Variants in PDIA5 observed in about 807,000 individuals in gnomAD.
PDIA5 encodes the protein protein disulfide isomerase family A member 5.
In PDIA5, 58 loss-of-function variants were observed where a neutral mutation model predicts 77.6. That is an observed-to-expected ratio of 0.75 (90% CI 0.61 to 0.93). The LOEUF (loss-of-function observed/expected upper bound fraction) is 0.93, where lower values mean the gene tolerates loss of function less well. Among genes scored for constraint, PDIA5 ranks in the 40% least tolerant of loss-of-function variants. The pLI, the probability that PDIA5 is intolerant of heterozygous loss-of-function variation, is 0.00. For missense variants in PDIA5, 630 were observed against 647.7 expected, an observed-to-expected ratio of 0.97 and a Z score of 0.30; for synonymous variants, 250 against 252.1, an observed-to-expected ratio of 0.99 and a Z score of 0.08.
chr3:123,078,901 G>T (rs1560495648), intron 1 of PDIA5, among the ~76,000 whole-genome samples: 2 of 152,176 alleles, frequency 1.3e-5, no homozygotes, highest in African/African-American at 4.8e-5. Flanking sequence ...GTTACTGTTG[G>T]TCCCTTAGTT....
At position 123,145,518 on chromosome 3, in the gene PDIA5, A is replaced by C; in HGVS notation, c.911-4A>C. On this transcript the variant is annotated splice_polypyrimidine_tract_variant and splice_region_variant and intron_variant, in intron 11 of 16. Transcript: ENST00000316218. Reference sequence around the variant, plus strand: ...GAATGGTTTCTCTTGATCTCTCCCCACAGGGTGTGGCCACTGTAAGAAAAT... The same window carrying C: ...GAATGGTTTCTCTTGATCTCTCCCCCCAGGGTGTGGCCACTGTAAGAAAAT... The C allele has an allele frequency of 6.2e-7, 1 of 1,613,340 alleles. No homozygotes were observed. The highest frequency in any genetic ancestry group is 8.5e-7 in the Non-Finnish European group (1 of 1,179,284).
chr3:123,112,502 C>T lies in PDIA5; in HGVS notation c.541+1498C>T, dbSNP rs151022923. 3.6e-3 allele frequency among the ~76,000 whole-genome samples: 527 copies of T among 145,662 alleles called. 1 individual carries two copies. The highest frequency in any genetic ancestry group is 0.012 in the African/African-American group (492 of 39,526). On this transcript the variant is annotated intron_variant, in intron 7 of 16. Transcript: ENST00000316218. ...GCCTGACTTGAGCCAGTAGCTTATT[C>T]GCCATGACAGCAGCCTTTCCCCAGC...
chr3:123,143,798 G>A (rs1935695820), intron 11 of PDIA5, among the ~76,000 whole-genome samples: 1 of 152,194 alleles, frequency 6.6e-6, no homozygotes, highest in African/African-American at 2.4e-5. Flanking sequence ...CCTGGGAAGA[G>A]CTGACATGTT....
At chr3:123,109,219 T>A (rs1174155610) in intron 6 of PDIA5, among the ~76,000 whole-genome samples, 1 of 152,250 alleles carries the variant, frequency 6.6e-6, no homozygotes, top group Non-Finnish European at 1.5e-5. Flanking sequence ...AATGTCCACA[T>A]AAATAATGAA....
intron 11 of PDIA5, among the ~76,000 whole-genome samples, chr3:123,132,107 G>T (rs1935383150): frequency 6.6e-6 from 1 of 152,160 alleles, no homozygotes; most frequent in Non-Finnish European, 1.5e-5. Context: ...TACCCAGCGT[G>T]CCACAAAGTG....
chr3:123,107,660 T>A (rs576259484), intron 6 of PDIA5, among the ~76,000 whole-genome samples: 5 of 152,336 alleles, frequency 3.3e-5, no homozygotes, highest in Admixed American at 2.6e-4. Context: ...GGGCAAGAAC[T>A]TCTCTGTGAT....
At chr3:123,116,810 G>A (rs1935007572) in intron 8 of PDIA5, among the ~76,000 whole-genome samples, 1 of 152,158 alleles carries the variant, frequency 6.6e-6, no homozygotes, top group Non-Finnish European at 1.5e-5. Context: ...GGAGGAGGTG[G>A]GGCTGGATGG....
At chr3:123,073,376 A>G (rs868674150) in intron 1 of PDIA5, among the ~76,000 whole-genome samples, 2 of 152,144 alleles carry the variant, frequency 1.3e-5, no homozygotes, top group South Asian at 2.1e-4. Flanking sequence ...TTGAATGTGT[A>G]AGCAGCTGCG....
At chr3:123,154,663 C>G (rs1935979706) in intron 14 of PDIA5, among the ~76,000 whole-genome samples, 1 of 152,180 alleles carries the variant, frequency 6.6e-6, no homozygotes, top group South Asian at 2.1e-4. Context: ...CCTCTGCCCC[C>G]AAGATCAGGC....
At chr3:123,158,508 TG>T (rs1248075480) in intron 15 of PDIA5, among the ~76,000 whole-genome samples, 5 of 152,176 alleles carry the variant, frequency 3.3e-5, no homozygotes, top group Non-Finnish European at 7.3e-5. Flanking sequence ...AGGTGTTTTA[TG>T]GGCAGATGAC....
intron 1 of PDIA5, among the ~76,000 whole-genome samples, chr3:123,073,510 C>T (rs901529762): frequency 1.3e-5 from 2 of 152,218 alleles, no homozygotes; most frequent in African/African-American, 4.8e-5. Flanking sequence ...CAAGGAGCTC[C>T]AGTTCACTGT....
intron 2 of PDIA5, among the ~76,000 whole-genome samples, chr3:123,091,771 G>T (rs935771717): frequency 6.6e-6 from 1 of 152,196 alleles, no homozygotes; most frequent in African/African-American, 2.4e-5. Context: ...TGTGGCTTAG[G>T]TGTCTTTGGC....
intron 5 of PDIA5, among the ~76,000 whole-genome samples, chr3:123,104,803 G>A (rs1331739728): frequency 6.6e-6 from 1 of 152,206 alleles, no homozygotes; most frequent in African/African-American, 2.4e-5. Context: ...ATGAAGGCCA[G>A]ATGTGGTGTC....
At chr3:123,118,953 C>T (rs1935050645) in intron 8 of PDIA5, among the ~76,000 whole-genome samples, 1 of 152,178 alleles carries the variant, frequency 6.6e-6, no homozygotes, top group Admixed American at 6.6e-5. Context: ...CACTCGTGTT[C>T]AGAATATAAG....
At chr3:123,141,605 G>C (rs1444137680) in intron 11 of PDIA5, among the ~76,000 whole-genome samples, 1 of 152,240 alleles carries the variant, frequency 6.6e-6, no homozygotes, top group African/African-American at 2.4e-5. Flanking sequence ...CTGAAAGCAG[G>C]AGAGTGGGGG....
intron 1 of PDIA5, among the ~76,000 whole-genome samples, chr3:123,076,642 C>T (rs1313545703): frequency 6.6e-6 from 1 of 152,204 alleles, no homozygotes; most frequent in Admixed American, 6.5e-5. Context: ...GGGTCATGAA[C>T]ACTGAGTTGT....
At chr3:123,082,123 G>C (rs540155173) in intron 1 of PDIA5, among the ~76,000 whole-genome samples, 2 of 152,230 alleles carry the variant, frequency 1.3e-5, no homozygotes, top group African/African-American at 4.8e-5. Context: ...GCAGAAAGCA[G>C]AGGGTTAGTC....
chr3:123,085,537 G>A (rs148177709), intron 1 of PDIA5, among the ~76,000 whole-genome samples: 1,658 of 152,234 alleles, frequency 0.011, 12 homozygotes, highest in South Asian at 0.027. Flanking sequence ...GATGACCTGC[G>A]GGATGGACTG....
chr3:123,072,791 T>C (rs1219690760), intron 1 of PDIA5, among the ~76,000 whole-genome samples: 1 of 152,184 alleles, frequency 6.6e-6, no homozygotes, highest in African/African-American at 2.4e-5. Flanking sequence ...TTGGTGGTTG[T>C]GGTAGCCTTT....
Sources: gnomAD v4.1 joint callset for allele counts (sites outside exome capture counted in the v4.1 genomes callset) on GRCh38, gnomAD v4.1.1 for gene constraint, MANE v1.5 for transcripts, NCBI Gene and HGNC (gene_info 2026-07-23, HGNC 2026-07-21) for gene names.